PTPN2: variants seen among roughly 807,000 people sequenced by gnomAD.
PTPN2 encodes protein tyrosine phosphatase non-receptor type 2.
Under a neutral mutation model 57.3 loss-of-function variants are expected in PTPN2, and 19 were observed. The observed-to-expected ratio is 0.33, with a 90% CI of 0.23 to 0.49. PTPN2 has a LOEUF of 0.49. Ranked by LOEUF, PTPN2 falls within the 20% of genes least tolerant of loss-of-function variation. The pLI is 0.99. For synonymous variants in PTPN2, 153 were observed against 164.9 expected (o/e 0.93, Z 0.55); for missense variants, 358 against 501.1 (o/e 0.71, Z 2.73).
At chr18:12,821,657 T>A (rs1336148172) in intron 5 of PTPN2, among the ~76,000 whole-genome samples, 1 of 152,090 alleles carries the variant, frequency 6.6e-6, no homozygotes, top group South Asian at 2.1e-4. Context: ...GAGAAAGCAA[T>A]ATGCAAAGGC....
chr18:12,819,241 T>C (rs1467760564), intron 5 of PTPN2: 23 of 1,457,040 alleles, frequency 1.6e-5, no homozygotes, highest in Non-Finnish European at 2.1e-5. Context: ...CATCCAGCAT[T>C]AATAATTTCA....
At chr18:12,840,011 A>C (rs1032440985) in intron 2 of PTPN2, among the ~76,000 whole-genome samples, 1 of 152,166 alleles carries the variant, frequency 6.6e-6, no homozygotes, top group Non-Finnish European at 1.5e-5. Flanking sequence ...CCTTTTGGAA[A>C]GTTTTCCAGG....
intron 8 of PTPN2, among the ~76,000 whole-genome samples, chr18:12,801,374 A>G (rs986346292): frequency 2.0e-5 from 3 of 151,994 alleles, no homozygotes; most frequent in Non-Finnish European, 4.4e-5. Flanking sequence ...TTAGCTGGAC[A>G]TGGTGGTGGG....
chr18:12,838,837 C>T (rs1173693048), intron 2 of PTPN2, among the ~76,000 whole-genome samples: 2 of 152,030 alleles, frequency 1.3e-5, no homozygotes, highest in African/African-American at 4.8e-5. Flanking sequence ...GAAATACCTA[C>T]ATCACTAGAT....
intron 1 of PTPN2, among the ~76,000 whole-genome samples, chr18:12,860,850 G>C (rs2043782264): frequency 6.6e-6 from 1 of 151,976 alleles, no homozygotes. Flanking sequence ...AGAATGGCCA[G>C]GTTTGATCTC....
Position 12,884,199 on chromosome 18 carries a change from CG to C in PTPN2, c.-59del. The C allele has an allele frequency of 7.1e-7, 1 of 1,412,416 alleles. No individual in the cohort carries two copies. Among genetic ancestry groups the C allele is most frequent in the Non-Finnish European group, 9.6e-7 (1 of 1,045,576 alleles). The allele number at this position is 1,412,416 out of a possible 1,614,324, so 87.5% of individuals were successfully genotyped here. ...TGCGCCGGCGGAGAGGCTCAGGCCC[CG>C]CACGATCCGGGGAGAGCGCTGGCGC... On this transcript the variant is annotated 5_prime_UTR_variant, in exon 1 of 9. It removes the in-frame stop codon of an upstream open reading frame in the 5' UTR. Transcript: ENST00000309660.
intron 7 of PTPN2, among the ~76,000 whole-genome samples, chr18:12,812,007 T>C (rs2041906682): frequency 6.6e-6 from 1 of 152,208 alleles, no homozygotes; most frequent in African/African-American, 2.4e-5. Flanking sequence ...AAGTTTATCA[T>C]TTACATTTAA....
chr18:12,875,945 A>G (rs2145535865), intron 1 of PTPN2, among the ~76,000 whole-genome samples: 1 of 152,312 alleles, frequency 6.6e-6, no homozygotes, highest in South Asian at 2.1e-4. Context: ...TTGGCCAAGC[A>G]CTGTGGCTCC....
At position 12,859,153 on chromosome 18, in the gene PTPN2, C is replaced by G; in HGVS notation, c.160+11G>C. 6.2e-7 allele frequency: 1 copy of G among 1,606,498 alleles called. No homozygotes were observed. The highest frequency in any genetic ancestry group is 1.1e-5 in the South Asian group (1 of 90,550). On this transcript the variant is annotated intron_variant, in intron 2 of 8. Transcript: ENST00000309660. ...AAAAATACACATGCACACAAACCCA[C>G]AAGTACTTACATGGGCTTACATCTC...
chr18:12,834,010 C>G lies in PTPN2; in HGVS notation c.261+2781G>C, dbSNP rs75952904. Among the ~76,000 whole-genome samples the G allele has an allele frequency of 5.6e-3, 857 of 152,224 alleles. 16 individuals are homozygous for G. In the East Asian group the frequency reaches 0.057, roughly 10 times the overall value. On this transcript the variant is annotated intron_variant, in intron 3 of 8. Coordinates refer to ENST00000309660, the MANE Select transcript of PTPN2 (RefSeq NM_002828.4). ...ATGGGCAGGGCTCCTTCAGGACACA[C>G]ACAGCGACAAGAAGTTCAAAAACAA...
chr18:12,838,624 C>T (rs540329575), intron 2 of PTPN2, among the ~76,000 whole-genome samples: 3 of 152,282 alleles, frequency 2.0e-5, no homozygotes, highest in East Asian at 1.9e-4. Context: ...GCAGTGGCCT[C>T]GCTTCCTGTT....
At chr18:12,871,216 G>A (rs143386439) in intron 1 of PTPN2, among the ~76,000 whole-genome samples, 2 of 152,190 alleles carry the variant, frequency 1.3e-5, no homozygotes, top group East Asian at 3.9e-4. Flanking sequence ...GGGACACATA[G>A]GTTATTTCTA....
chr18:12,869,754 T>C (rs2044122190), intron 1 of PTPN2, among the ~76,000 whole-genome samples: 1 of 152,156 alleles, frequency 6.6e-6, no homozygotes, highest in Non-Finnish European at 1.5e-5. Context: ...TGATAATGAG[T>C]TTCTCCTTAT....
chr18:12,866,733 G>A (rs1291505431), intron 1 of PTPN2, among the ~76,000 whole-genome samples: 3 of 152,112 alleles, frequency 2.0e-5, no homozygotes, highest in Non-Finnish European at 4.4e-5. Context: ...TCTCGGCCGG[G>A]CGTGGTGGCT....
At chr18:12,845,821 C>T (rs2043187218) in intron 2 of PTPN2, among the ~76,000 whole-genome samples, 3 of 152,154 alleles carry the variant, frequency 2.0e-5, no homozygotes, top group African/African-American at 7.2e-5. Context: ...TGCAAACATA[C>T]CTGATTATTC....
intron 2 of PTPN2, among the ~76,000 whole-genome samples, chr18:12,852,514 C>T (rs2043434162): frequency 6.6e-6 from 1 of 152,168 alleles, no homozygotes; most frequent in South Asian, 2.1e-4. Flanking sequence ...CTCTTCAAAT[C>T]CTTTCAATTT....
rs534778795 is a variant in PTPN2 at position 12,808,016 on chromosome 18, T to C, written c.859-5865A>G. On this transcript the variant is annotated intron_variant, in intron 7 of 8. Coordinates refer to ENST00000309660, the MANE Select transcript of PTPN2 (RefSeq NM_002828.4). ...CTGGGCAACATGGTGAGACCCAGTC[T>C]CTACAAAAATTTAAAAATTAGCCAT... 3.9e-5 allele frequency among the ~76,000 whole-genome samples: 6 copies of C among 152,080 alleles called. No individual in the cohort carries two copies. In the South Asian group the frequency reaches 1.2e-3, roughly 32 times the overall value.
chr18:12,846,137 T>C (rs1317600491), intron 2 of PTPN2, among the ~76,000 whole-genome samples: 1 of 152,220 alleles, frequency 6.6e-6, no homozygotes, highest in Non-Finnish European at 1.5e-5. Context: ...AAGTATTCAC[T>C]GCATCTTATC....
At chr18:12,841,917 T>G (rs2043057595) in intron 2 of PTPN2, among the ~76,000 whole-genome samples, 1 of 152,106 alleles carries the variant, frequency 6.6e-6, no homozygotes, top group Non-Finnish European at 1.5e-5. Flanking sequence ...CATTTTTTTT[T>G]TTTTTTGAGA....
Sources: gnomAD v4.1 joint callset for allele counts (sites outside exome capture counted in the v4.1 genomes callset) on GRCh38, gnomAD v4.1.1 for gene constraint, MANE v1.5 for transcripts, NCBI Gene and HGNC (gene_info 2026-07-23, HGNC 2026-07-21) for gene names.